The following CACNA2D3 variants were observed in gnomAD, a reference collection of about 807,000 sequenced individuals.
CACNA2D3 encodes voltage-dependent calcium channel subunit alpha-2/delta-3.
A neutral mutation model predicts 160.6 loss-of-function variants in CACNA2D3; 60 were observed. The ratio of observed to expected loss-of-function variants is 0.37; its 90% CI spans 0.30 to 0.46. CACNA2D3 has a LOEUF of 0.46. Among genes scored for constraint, CACNA2D3 ranks in the 20% least tolerant of loss-of-function variants. The probability of loss-of-function intolerance (pLI) is 1.00; values close to 1 mark genes in which losing one functional copy is unlikely to be tolerated. For synonymous variants in CACNA2D3, 558 were observed against 492.9 expected, an observed-to-expected ratio of 1.13 and a Z score of -1.75; for missense variants, 1,205 against 1,365.0, an observed-to-expected ratio of 0.88 and a Z score of 1.85.
intron 11 of CACNA2D3, among the ~76,000 whole-genome samples, chr3:54,705,931 A>C (rs571661161): frequency 1.6e-4 from 24 of 152,298 alleles, no homozygotes; most frequent in African/African-American, 5.5e-4. Flanking sequence ...GATGCTATGC[A>C]TGGCCCCTCT....
intron 9 of CACNA2D3, chr3:54,626,683 TCAAAA>T: frequency 9.1e-5 from 22 of 242,494 alleles, no homozygotes; most frequent in Admixed American, 3.9e-4. Context: ...ATGGTTCCAG[TCAAAA>T]AAAAAAAAAA....
chr3:54,780,959 A>G (rs1422329633), intron 13 of CACNA2D3, among the ~76,000 whole-genome samples: 3 of 152,222 alleles, frequency 2.0e-5, no homozygotes, highest in African/African-American at 7.2e-5. Context: ...CGTATGTAAC[A>G]AAACTGTATT....
At chr3:54,607,727 G>T (rs1698666119) in intron 9 of CACNA2D3, among the ~76,000 whole-genome samples, 1 of 152,092 alleles carries the variant, frequency 6.6e-6, no homozygotes, top group Non-Finnish European at 1.5e-5. Flanking sequence ...CCCATTCCTG[G>T]ATATTTACCA....
intron 35 of CACNA2D3, among the ~76,000 whole-genome samples, chr3:55,066,460 A>G (rs1304550150): frequency 1.3e-4 from 20 of 152,136 alleles, no homozygotes; most frequent in African/African-American, 4.8e-5. Context: ...CACATGTGCA[A>G]TCCTGTGGTC....
intron 10 of CACNA2D3, among the ~76,000 whole-genome samples, chr3:54,636,354 T>C (rs1459695988): frequency 1.3e-5 from 2 of 151,872 alleles, no homozygotes; most frequent in African/African-American, 4.9e-5. Flanking sequence ...GTATCAAGAA[T>C]AATGTGGGAG....
chr3:55,025,437 G>T (rs1241900063), intron 35 of CACNA2D3, among the ~76,000 whole-genome samples: 2 of 151,832 alleles, frequency 1.3e-5, no homozygotes, highest in Non-Finnish European at 2.9e-5. Context: ...TTCGAGCCCA[G>T]CCTGGCCAAT....
At chr3:54,214,152 C>A (rs147682725) in intron 2 of CACNA2D3, among the ~76,000 whole-genome samples, 1 of 152,176 alleles carries the variant, frequency 6.6e-6, no homozygotes. Flanking sequence ...ACAAAGCTGG[C>A]AGATTCTCAT....
chr3:54,246,666 G>A (rs942608534), intron 2 of CACNA2D3, among the ~76,000 whole-genome samples: 6 of 151,562 alleles, frequency 4.0e-5, no homozygotes, highest in Admixed American at 3.9e-4. Flanking sequence ...GGAGGCTGCA[G>A]TGAGCTGAGA....
intron 26 of CACNA2D3, among the ~76,000 whole-genome samples, chr3:54,899,490 C>T (rs1165317915): frequency 5.3e-5 from 8 of 152,080 alleles, no homozygotes; most frequent in African/African-American, 1.4e-4. Context: ...CACAGATTAC[C>T]AAAAAATGTG....
intron 2 of CACNA2D3, among the ~76,000 whole-genome samples, chr3:54,215,437 G>C (rs914916524): frequency 9.2e-5 from 14 of 152,170 alleles, no homozygotes; most frequent in African/African-American, 2.4e-4. Context: ...TCCAGAATGT[G>C]TTCGTCGTAA....
intron 13 of CACNA2D3, among the ~76,000 whole-genome samples, chr3:54,787,443 C>G (rs575188845): frequency 6.6e-6 from 1 of 152,264 alleles, no homozygotes; most frequent in East Asian, 1.9e-4. Flanking sequence ...GGTAGCTGTT[C>G]TAGGGGAGAA....
intron 35 of CACNA2D3, among the ~76,000 whole-genome samples, chr3:55,062,446 C>T (rs564122118): frequency 3.9e-5 from 6 of 152,048 alleles, no homozygotes; most frequent in East Asian, 3.9e-4. Context: ...TATTCAATGA[C>T]GTGTAGAAAA....
intron 17 of CACNA2D3, among the ~76,000 whole-genome samples, chr3:54,863,485 C>G (rs145848103): frequency 1.8e-4 from 28 of 152,264 alleles, no homozygotes; most frequent in African/African-American, 6.0e-4. Context: ...AACTACTCAG[C>G]ACTATTTTGA....
At chr3:54,742,200 C>T (rs1201126598) in intron 11 of CACNA2D3, among the ~76,000 whole-genome samples, 2 of 152,288 alleles carry the variant, frequency 1.3e-5, no homozygotes, top group East Asian at 3.9e-4. Context: ...GAGTTGATCA[C>T]ATGAGCCCAG....
chr3:54,709,745 C>A (rs993720759), intron 11 of CACNA2D3, among the ~76,000 whole-genome samples: 1 of 152,048 alleles, frequency 6.6e-6, no homozygotes, highest in African/African-American at 2.4e-5. Context: ...GGTAGCATAG[C>A]GAGACCCTAT....
chr3:54,460,776 C>T (rs1018544648), intron 4 of CACNA2D3, among the ~76,000 whole-genome samples: 9 of 152,106 alleles, frequency 5.9e-5, no homozygotes, highest in Admixed American at 2.6e-4. Context: ...TTTCCTTGTT[C>T]TGCCTAATTG....
At chr3:54,441,271 T>C (rs142088114) in intron 4 of CACNA2D3, among the ~76,000 whole-genome samples, 3,757 of 152,314 alleles carry the variant, frequency 0.025, 146 homozygotes, top group African/African-American at 0.086. Context: ...GTCTTTTGGC[T>C]ACATAAATGT....
chr3:54,710,508 A>G (rs755627782), intron 11 of CACNA2D3, among the ~76,000 whole-genome samples: 2 of 152,194 alleles, frequency 1.3e-5, no homozygotes, highest in Non-Finnish European at 2.9e-5. Context: ...CAAATTGCAC[A>G]GGCAGGTTTT....
At chr3:54,276,891 A>G (rs1186468022) in intron 2 of CACNA2D3, among the ~76,000 whole-genome samples, 1 of 152,262 alleles carries the variant, frequency 6.6e-6, no homozygotes, top group Non-Finnish European at 1.5e-5. Context: ...CTGATGACCA[A>G]TGACGGATGA....
Sources: gnomAD v4.1 joint callset for allele counts (sites outside exome capture counted in the v4.1 genomes callset) on GRCh38, gnomAD v4.1.1 for gene constraint, MANE v1.5 for transcripts, NCBI Gene and HGNC (gene_info 2026-07-23, HGNC 2026-07-21) for gene names.